Variants in PCDHA7 observed in about 807,000 individuals in gnomAD.
PCDHA7 encodes protocadherin alpha-7.
Under a neutral mutation model 57.2 loss-of-function variants are expected in PCDHA7, and 37 were observed. That is an observed-to-expected ratio of 0.65 (90% CI 0.50 to 0.85). The LOEUF is 0.85. Ranked by LOEUF, PCDHA7 falls within the 40% of genes least tolerant of loss-of-function variation. The pLI is 0.00. For missense variants in PCDHA7, 1,188 were observed against 1,241.8 expected (o/e 0.96, Z 0.65); for synonymous variants, 553 against 558.8 (o/e 0.99, Z 0.15).
Position 140,836,482 on chromosome 5 carries a change from T to C in PCDHA7, c.2099T>C (p.Leu700Pro). Reference protein sequence around the residue: ...ETELVDVNVYLIIAICAVSSL... With the variant: ...ETELVDVNVYPIIAICAVSSL... ...GAGCTGGTGGATGTCAACGTGTACC[T>C]GATCATCGCCATCTGCGCGGTGTCC... The change falls in exon 1 of 4, where the codon CTG becomes CCG. Residue 700 changes from leucine (L) to proline (P), a missense_variant. Physicochemically the swap from Leu to Pro is moderately conservative, Grantham distance 98. Coordinates refer to ENST00000525929, the MANE Select transcript of PCDHA7 (RefSeq NM_018910.3). The C allele has an allele frequency of 1.2e-6, 2 of 1,613,884 alleles. No individual in the cohort carries two copies. The highest frequency in any genetic ancestry group is 1.7e-4 in the Middle Eastern group (1 of 6,058).
chr5:140,896,854 C>T (rs1211925701), intron 1 of PCDHA7, among the ~76,000 whole-genome samples: 4 of 152,004 alleles, frequency 2.6e-5, no homozygotes, highest in Non-Finnish European at 5.9e-5. Context: ...TTTATGGGTA[C>T]ATAATAAGTG....
intron 3 of PCDHA7, among the ~76,000 whole-genome samples, chr5:141,006,960 G>A (rs1183082923): frequency 6.6e-6 from 1 of 152,184 alleles, no homozygotes; most frequent in Non-Finnish European, 1.5e-5. Flanking sequence ...TTATACATGA[G>A]ATTGGAGCAC....
chr5:140,957,948 G>C (rs2153715688), intron 1 of PCDHA7, among the ~76,000 whole-genome samples: 1 of 152,152 alleles, frequency 6.6e-6, no homozygotes, highest in Non-Finnish European at 1.5e-5. Flanking sequence ...AGATCTTTAA[G>C]ACTATTAATT....
intron 1 of PCDHA7, chr5:140,867,745 A>G (rs1342140044): frequency 6.6e-6 from 1 of 152,108 alleles, no homozygotes. Flanking sequence ...CAAGCAAGTT[A>G]CAACTTCAGG....
intron 1 of PCDHA7, among the ~76,000 whole-genome samples, chr5:140,892,783 T>C (rs1554185363): frequency 6.6e-6 from 1 of 152,168 alleles, no homozygotes; most frequent in African/African-American, 2.4e-5. Context: ...TTCTTGAAAA[T>C]ATGTAAGAAA....
intron 1 of PCDHA7, chr5:140,867,710 G>A (rs2050114623): frequency 6.6e-6 from 1 of 151,674 alleles, no homozygotes; most frequent in Non-Finnish European, 1.5e-5. Context: ...AAATCCTAAG[G>A]GTATATGAAA....
intron 1 of PCDHA7, chr5:140,863,161 C>T (rs1554157875): frequency 3.1e-6 from 2 of 650,330 alleles, no homozygotes; most frequent in East Asian, 4.4e-5. Flanking sequence ...CCACTGCGAG[C>T]TGGCGCTGAC....
At chr5:140,993,078 A>G (rs1373767899) in intron 3 of PCDHA7, among the ~76,000 whole-genome samples, 2 of 152,212 alleles carry the variant, frequency 1.3e-5, no homozygotes, top group Non-Finnish European at 2.9e-5. Flanking sequence ...GCAGTCTGCA[A>G]TCAGCAGGGC....
chr5:140,872,817 T>G (rs1316271424), intron 1 of PCDHA7, among the ~76,000 whole-genome samples: 1 of 152,214 alleles, frequency 6.6e-6, no homozygotes, highest in African/African-American at 2.4e-5. Context: ...TTTTTCAGAT[T>G]CATCTAGCAG....
chr5:140,949,992 G>A (rs2094439293), intron 1 of PCDHA7, among the ~76,000 whole-genome samples: 1 of 151,522 alleles, frequency 6.6e-6, no homozygotes, highest in African/African-American at 2.4e-5. Flanking sequence ...ACTTTTCTCA[G>A]TCCACTTAAT....
intron 1 of PCDHA7, among the ~76,000 whole-genome samples, chr5:140,840,836 TA>T (rs1554137914): frequency 6.6e-6 from 1 of 152,034 alleles, no homozygotes; most frequent in Non-Finnish European, 1.5e-5. Flanking sequence ...AAATAAATAT[TA>T]ATGCATTTCT....
chr5:140,862,633 G>C, intron 1 of PCDHA7: 5 of 537,306 alleles, frequency 9.3e-6, no homozygotes, highest in Non-Finnish European at 1.9e-5. Context: ...GGGCTGCCAC[G>C]ACTTCACAGT....
intron 1 of PCDHA7, chr5:140,928,585 G>C: frequency 2.5e-6 from 4 of 1,614,194 alleles, no homozygotes; most frequent in Non-Finnish European, 3.4e-6. Flanking sequence ...AAATGGTTCT[G>C]TCCCAGTGGA....
chr5:140,882,580 C>G (rs371338305), intron 1 of PCDHA7: 3 of 1,614,244 alleles, frequency 1.9e-6, no homozygotes, highest in East Asian at 4.5e-5. Flanking sequence ...AGTGCAGCAT[C>G]CACCTGGAGG....
At chr5:140,929,322 C>T in intron 1 of PCDHA7, 1 of 1,540,684 alleles carries the variant, frequency 6.5e-7, no homozygotes, top group Non-Finnish European at 8.8e-7. Context: ...ATGTCAATGC[C>T]ATGGTAAGCA....
intron 1 of PCDHA7, chr5:140,930,027 T>A (rs1554207548): frequency 6.6e-6 from 1 of 152,190 alleles, no homozygotes; most frequent in Non-Finnish European, 1.5e-5. Context: ...CATAGCAGTG[T>A]TTTGTAACTG....
At chr5:140,884,538 G>A (rs781889228) in intron 1 of PCDHA7, 21 of 1,613,994 alleles carry the variant, frequency 1.3e-5, no homozygotes, top group Non-Finnish European at 1.8e-5. Context: ...AGGCGGCCGA[G>A]GGTGTGCTCT....
intron 3 of PCDHA7, among the ~76,000 whole-genome samples, chr5:141,000,919 A>AT (rs2097975024): frequency 6.6e-6 from 1 of 152,134 alleles, no homozygotes; most frequent in Non-Finnish European, 1.5e-5. Flanking sequence ...AAAAAAAAAA[A>AT]TCCTGTGTGA....
chr5:140,982,722 T>G, intron 3 of PCDHA7, 159 bp downstream of exon 3: 1 of 913,304 alleles, frequency 1.1e-6, no homozygotes, highest in African/African-American at 1.8e-5. Flanking sequence ...TATGATTATT[T>G]TGATTTTATA....
Sources: allele counts gnomAD v4.1 joint callset (sites outside exome capture counted in the v4.1 genomes callset), GRCh38; gene constraint gnomAD v4.1.1; transcripts MANE v1.5; gene names NCBI Gene and HGNC (gene_info 2026-07-23, HGNC 2026-07-21).